CASR: variants seen among roughly 807,000 people sequenced by gnomAD.
CASR encodes extracellular calcium-sensing receptor.
In CASR, 23 loss-of-function variants were observed where a neutral mutation model predicts 69.1. The observed-to-expected ratio is 0.33, with a 90% CI of 0.24 to 0.47. The LOEUF (loss-of-function observed/expected upper bound fraction) is 0.47. Ranked by LOEUF, CASR falls within the 20% of genes least tolerant of loss-of-function variation. The probability of loss-of-function intolerance (pLI) is 1.00; values close to 1 mark genes in which losing one functional copy is unlikely to be tolerated. For synonymous variants in CASR, 541 were observed against 544.7 expected (o/e 0.99, Z 0.10); for missense variants, 924 against 1,356.1 (o/e 0.68, Z 5.00).
At chr3:122,203,464 C>G (rs2073977261) in intron 1 of CASR, among the ~76,000 whole-genome samples, 2 of 152,100 alleles carry the variant, frequency 1.3e-5, no homozygotes, top group Admixed American at 1.3e-4. Flanking sequence ...ACAGCATGTG[C>G]CTGTATTGAA....
intron 1 of CASR, chr3:122,184,581 AG>A (rs2073758274): frequency 6.6e-6 from 1 of 152,390 alleles, no homozygotes; most frequent in East Asian, 2.0e-4. Context: ...CTGGTGGGGG[AG>A]GGGCCGTGGC....
intron 1 of CASR, among the ~76,000 whole-genome samples, chr3:122,185,520 T>C (rs1256307344): frequency 6.6e-6 from 1 of 152,242 alleles, no homozygotes; most frequent in Non-Finnish European, 1.5e-5. Flanking sequence ...CTAAACACAC[T>C]TATCTTTCCC....
intron 1 of CASR, among the ~76,000 whole-genome samples, chr3:122,228,249 C>A (rs1163194073): frequency 6.6e-6 from 1 of 152,200 alleles, no homozygotes; most frequent in Non-Finnish European, 1.5e-5. Flanking sequence ...ATCTTTTCTT[C>A]CTAGGTCTAG....
chr3:122,196,538 T>C (rs189877762), intron 1 of CASR, among the ~76,000 whole-genome samples: 353 of 152,168 alleles, frequency 2.3e-3, no homozygotes, highest in African/African-American at 8.2e-3. Context: ...TTTGTTTGTT[T>C]TGTTTTGTTT....
chr3:122,284,106 T>G lies in CASR; in HGVS notation c.2152T>G (p.Trp718Gly). 1.2e-6 allele frequency: 2 copies of G among 1,614,114 alleles called. No individual in the cohort carries two copies. Among genetic ancestry groups the G allele is most frequent in the Non-Finnish European group, 1.7e-6 (2 of 1,179,970 alleles). Residue 718 changes from tryptophan (W) to glycine (G), a missense_variant, in exon 7 of 7, where the codon TGG becomes GGG. Transcript: ENST00000639785. Reference sequence around the variant, plus strand: ...GATCCCCACCAGCTTCCACCGCAAGTGGTGGGGGCTCAACCTGCAGTTCCT... The same window carrying G: ...GATCCCCACCAGCTTCCACCGCAAGGGGTGGGGGCTCAACCTGCAGTTCCT... ...AKIPTSFHRK[W>G]WGLNLQFLLV...
At chr3:122,266,563 CT>C (rs1228763590) in intron 4 of CASR, among the ~76,000 whole-genome samples, 1 of 151,914 alleles carries the variant, frequency 6.6e-6, no homozygotes, top group Non-Finnish European at 1.5e-5. Context: ...TTTCTACTAG[CT>C]TTTTTTGTTT....
At chr3:122,279,120 G>C (rs776128812) in intron 5 of CASR, among the ~76,000 whole-genome samples, 1 of 152,052 alleles carries the variant, frequency 6.6e-6, no homozygotes, top group Non-Finnish European at 1.5e-5. Flanking sequence ...CCTCTATCTT[G>C]CCTCCTGGAA....
chr3:122,267,266 G>A (rs1257072138), intron 4 of CASR, among the ~76,000 whole-genome samples: 1 of 152,182 alleles, frequency 6.6e-6, no homozygotes, highest in African/African-American at 2.4e-5. Context: ...GTTTAAAGAG[G>A]TGACTTAGAG....
intron 1 of CASR, among the ~76,000 whole-genome samples, chr3:122,219,377 A>G (rs768373118): frequency 6.6e-6 from 1 of 152,202 alleles, no homozygotes. Context: ...AAGTGGTGGC[A>G]TGATTCCGTT....
chr3:122,188,879 A>G (rs778935620), intron 1 of CASR, among the ~76,000 whole-genome samples: 4 of 152,196 alleles, frequency 2.6e-5, no homozygotes, highest in Non-Finnish European at 5.9e-5. Flanking sequence ...TTCCTATTTC[A>G]TCATGCAATG....
At position 122,285,607 on chromosome 3, in the gene CASR, C is replaced by T; in HGVS notation, c.*416C>T. ...GAAAGACAGAATGTCACCAGTCCTG[C>T]CCAATGCCTTGACAACAGACTGAAT... is the stretch of plus-strand genomic sequence containing the variant. On this transcript the variant is annotated 3_prime_UTR_variant, in exon 7 of 7. Coordinates refer to ENST00000639785, the MANE Select transcript of CASR (RefSeq NM_000388.4). 1 of 214,942 alleles carries T rather than the reference C, an allele frequency of 4.7e-6. No individual in the cohort carries two copies. The highest frequency in any genetic ancestry group is 9.4e-6 in the Non-Finnish European group (1 of 105,882). 13.3% of individuals were successfully genotyped at this position (214,942 alleles called of 1,614,324 possible).
intron 4 of CASR, among the ~76,000 whole-genome samples, chr3:122,262,910 G>T (rs2074645028): frequency 6.6e-6 from 1 of 152,126 alleles, no homozygotes; most frequent in Non-Finnish European, 1.5e-5. Context: ...TAGGACAAAA[G>T]CAAATCAAAG....
At chr3:122,189,443 T>A (rs184912381) in intron 1 of CASR, among the ~76,000 whole-genome samples, 16 of 152,316 alleles carry the variant, frequency 1.1e-4, no homozygotes, top group Admixed American at 5.9e-4. Flanking sequence ...ATTTCTTGGG[T>A]TAAGTAACCT....
chr3:122,209,128 C>T (rs2074037272), intron 1 of CASR, among the ~76,000 whole-genome samples: 1 of 152,148 alleles, frequency 6.6e-6, no homozygotes, highest in Admixed American at 6.5e-5. Context: ...TTACGTGACT[C>T]AGTAGGTCTG....
At chr3:122,283,094 A>C (rs890993029) in intron 6 of CASR, among the ~76,000 whole-genome samples, 5 of 152,250 alleles carry the variant, frequency 3.3e-5, no homozygotes, top group African/African-American at 1.2e-4. Flanking sequence ...GGTCATGTGC[A>C]TGGGATACTC....
intron 1 of CASR, among the ~76,000 whole-genome samples, chr3:122,238,724 T>C (rs1337666754): frequency 6.6e-6 from 1 of 152,196 alleles, no homozygotes; most frequent in Non-Finnish European, 1.5e-5. Flanking sequence ...TCTTGCACCT[T>C]GGATACCAGC....
intron 1 of CASR, among the ~76,000 whole-genome samples, chr3:122,187,029 T>C (rs1337815131): frequency 6.6e-6 from 1 of 152,252 alleles, no homozygotes; most frequent in Non-Finnish European, 1.5e-5. Flanking sequence ...ATTAACTTTA[T>C]GCTTATCCAC....
intron 3 of CASR, among the ~76,000 whole-genome samples, chr3:122,258,988 A>C (rs2074588561): frequency 2.6e-5 from 4 of 152,046 alleles, no homozygotes. Context: ...CACGCCACCA[A>C]GTGGATGGAA....
chr3:122,247,524 G>A (rs995584653), intron 1 of CASR: 3 of 152,194 alleles, frequency 2.0e-5, no homozygotes, highest in Admixed American at 6.5e-5. Context: ...TCATACATCC[G>A]TCAGCAGAGC....
Sources: allele counts gnomAD v4.1 joint callset (sites outside exome capture counted in the v4.1 genomes callset), GRCh38; gene constraint gnomAD v4.1.1; transcripts MANE v1.5; gene names NCBI Gene and HGNC (gene_info 2026-07-23, HGNC 2026-07-21).